RARB: variants seen among roughly 807,000 people sequenced by gnomAD.
RARB encodes retinoic acid receptor beta.
A neutral mutation model predicts 51.9 loss-of-function variants in RARB; 17 were observed. That is an observed-to-expected ratio of 0.33 (90% CI 0.22 to 0.49). The LOEUF (loss-of-function observed/expected upper bound fraction) is 0.49. Among genes scored for constraint, RARB ranks in the 20% least tolerant of loss-of-function variants. RARB has a pLI of 0.99. For synonymous variants in RARB, 215 were observed against 195.4 expected (o/e 1.10, Z -0.84); for missense variants, 369 against 550.8 (o/e 0.67, Z 3.30).
At chr3:25,259,735 T>C (rs1702952088) in intron 5 of RARB, among the ~76,000 whole-genome samples, 2 of 152,184 alleles carry the variant, frequency 1.3e-5, no homozygotes, top group South Asian at 4.1e-4. Context: ...ATAAATAATA[T>C]TGAAAATGTT....
At chr3:24,842,753 AACTTAAGAGTGATATATC>A (rs1368568100) in intron 1 of RARB, among the ~76,000 whole-genome samples, 10 of 152,236 alleles carry the variant, frequency 6.6e-5, no homozygotes, top group African/African-American at 2.4e-4. Context: ...TTCTTCCAAG[AACTTAAGAGTGATATATC>A]ACTCTTTATT....
intron 2 of RARB, among the ~76,000 whole-genome samples, chr3:25,018,870 C>T (rs1575121332): frequency 6.6e-6 from 1 of 152,180 alleles, no homozygotes; most frequent in Admixed American, 6.5e-5. Context: ...TCGTAAGCAC[C>T]GGCGCTGGAA....
intron 2 of RARB, among the ~76,000 whole-genome samples, chr3:24,986,975 T>C (rs934605173): frequency 2.0e-5 from 3 of 151,864 alleles, no homozygotes; most frequent in Admixed American, 1.3e-4. Context: ...TCAACGGTCG[T>C]CATCTTTCCA....
At chr3:25,397,037 C>T (rs944841163) in intron 5 of RARB, among the ~76,000 whole-genome samples, 6 of 152,164 alleles carry the variant, frequency 3.9e-5, no homozygotes, top group African/African-American at 1.4e-4. Context: ...CATATCTGCA[C>T]TTCCCATTCA....
At chr3:25,090,929 C>CAT (rs1447345650) in intron 3 of RARB, among the ~76,000 whole-genome samples, 1 of 152,100 alleles carries the variant, frequency 6.6e-6, no homozygotes, top group Non-Finnish European at 1.5e-5. Context: ...AAAACTGCTA[C>CAT]ATGTATATTA....
intron 5 of RARB, among the ~76,000 whole-genome samples, chr3:25,211,981 A>G (rs1701709905): frequency 6.6e-6 from 1 of 152,174 alleles, no homozygotes; most frequent in Non-Finnish European, 1.5e-5. Flanking sequence ...TATAAGGTCT[A>G]TCTGAAGGAA....
chr3:24,979,461 T>C lies in RARB; in HGVS notation c.-379-80664T>C, dbSNP rs538711456. Reference sequence around the variant, plus strand: ...ATATATTTAGGATAGTTAGCTCTTCTTGTTGGATTGATCCCTTTACCATTA... The same window carrying C: ...ATATATTTAGGATAGTTAGCTCTTCCTGTTGGATTGATCCCTTTACCATTA... On this transcript the variant is annotated intron_variant, in intron 2 of 11. Coordinates refer to the RARB transcript ENST00000383772. Among the ~76,000 whole-genome samples, 5 of 152,364 alleles carry C rather than the reference T, an allele frequency of 3.3e-5. No homozygotes were observed. The East Asian group carries it at 9.6e-4, about 29-fold the overall frequency.
intron 2 of RARB, among the ~76,000 whole-genome samples, chr3:25,019,146 T>C (rs1697575640): frequency 6.6e-6 from 1 of 152,194 alleles, no homozygotes; most frequent in Non-Finnish European, 1.5e-5. Flanking sequence ...CATACCTCAT[T>C]TGAACACTTC....
chr3:24,940,609 C>T (rs1351193179), intron 2 of RARB, among the ~76,000 whole-genome samples: 1 of 152,102 alleles, frequency 6.6e-6, no homozygotes, highest in Non-Finnish European at 1.5e-5. Flanking sequence ...CCCCAGGGTA[C>T]CCTCCTTTAG....
chr3:25,354,042 C>A (rs934530071), intron 5 of RARB, among the ~76,000 whole-genome samples: 9 of 151,240 alleles, frequency 6.0e-5, no homozygotes, highest in South Asian at 2.1e-4. Flanking sequence ...CCAAACCCCC[C>A]ACCCCCACCA....
At chr3:25,181,745 T>G (rs1310272225) in intron 5 of RARB, among the ~76,000 whole-genome samples, 1 of 152,182 alleles carries the variant, frequency 6.6e-6, no homozygotes, top group African/African-American at 2.4e-5. Context: ...CTAAATTATT[T>G]AGGATTTTAA....
chr3:25,558,820 A>G (rs1043045046), intron 3 of RARB, among the ~76,000 whole-genome samples: 1 of 152,040 alleles, frequency 6.6e-6, no homozygotes, highest in Admixed American at 6.5e-5. Context: ...CGGGGTTAAA[A>G]CCTTATTGTT....
At chr3:25,019,581 A>G (rs1697584912) in intron 2 of RARB, among the ~76,000 whole-genome samples, 1 of 152,170 alleles carries the variant, frequency 6.6e-6, no homozygotes, top group Non-Finnish European at 1.5e-5. Flanking sequence ...TGTGCTGTGA[A>G]TGTGAATATC....
chr3:25,125,716 A>G lies in RARB; in HGVS notation c.-327-6445A>G, dbSNP rs184629943. Among the ~76,000 whole-genome samples, 3 of 152,324 alleles carry G rather than the reference A, an allele frequency of 2.0e-5. No homozygotes were observed. In the East Asian group the frequency reaches 5.8e-4, roughly 29 times the overall value. The stretch of plus-strand genomic sequence containing the variant: ...AAATTGTCAATGTGGAAACTTCTCA[A>G]TCAGCAACTTTTAGTAGCTCTATAT... On this transcript the variant is annotated intron_variant, in intron 3 of 11. Transcript: ENST00000383772.
chr3:25,349,310 A>G (rs1317150319), intron 5 of RARB, among the ~76,000 whole-genome samples: 1 of 152,164 alleles, frequency 6.6e-6, no homozygotes, highest in East Asian at 1.9e-4. Flanking sequence ...GTCTGTTTGA[A>G]CAAGACTTTG....
At chr3:25,508,275 C>G (rs1367191612) in intron 3 of RARB, among the ~76,000 whole-genome samples, 2 of 152,136 alleles carry the variant, frequency 1.3e-5, no homozygotes, top group African/African-American at 2.4e-5. Context: ...CCAATTTATA[C>G]TTTAGACATG....
At chr3:25,342,576 CT>C (rs1370585466) in intron 5 of RARB, among the ~76,000 whole-genome samples, 3 of 152,154 alleles carry the variant, frequency 2.0e-5, no homozygotes, top group East Asian at 1.9e-4. Context: ...TACCAACCTT[CT>C]TTTTTTTATT....
chr3:25,051,152 G>C (rs1372429418), intron 2 of RARB, among the ~76,000 whole-genome samples: 1 of 152,190 alleles, frequency 6.6e-6, no homozygotes, highest in Non-Finnish European at 1.5e-5. Flanking sequence ...AGAATTGTAA[G>C]TGAAAATGTC....
At chr3:25,290,113 T>C (rs555072740) in intron 5 of RARB, among the ~76,000 whole-genome samples, 1 of 152,308 alleles carries the variant, frequency 6.6e-6, no homozygotes, top group Admixed American at 6.5e-5. Flanking sequence ...GCTATTTACA[T>C]AGAAATCTCA....
Sources: allele counts gnomAD v4.1 joint callset (sites outside exome capture counted in the v4.1 genomes callset), GRCh38; gene constraint gnomAD v4.1.1; transcripts MANE v1.5; gene names NCBI Gene and HGNC (gene_info 2026-07-23, HGNC 2026-07-21).